Variants in SDK1 observed in about 807,000 individuals in gnomAD.
The protein encoded by SDK1 is sidekick cell adhesion molecule 1.
SDK1 carries 157 observed loss-of-function variants against 245.5 expected under a neutral mutation model. The observed-to-expected ratio is 0.64, with a 90% CI of 0.56 to 0.73. The LOEUF (loss-of-function observed/expected upper bound fraction) is 0.73. Ranked by LOEUF, SDK1 falls within the 30% of genes least tolerant of loss-of-function variation. SDK1 has a pLI of 0.00. For missense variants in SDK1, 3,583 were observed against 3,002.3 expected (o/e 1.19, Z -4.52); for synonymous variants, 1,647 against 1,278.5 (o/e 1.29, Z -6.15).
At chr7:3,570,034 C>G (rs1042240279) in intron 1 of SDK1, among the ~76,000 whole-genome samples, 2 of 152,202 alleles carry the variant, frequency 1.3e-5, no homozygotes, top group African/African-American at 4.8e-5. Flanking sequence ...ATCACACACA[C>G]CAGCTCCATC....
intron 4 of SDK1, among the ~76,000 whole-genome samples, chr7:3,672,780 TATATATATATATATAA>T (rs1048764566): frequency 1.4e-4 from 14 of 101,426 alleles, no homozygotes; most frequent in Non-Finnish European, 2.0e-4. Context: ...TATATATATA[TATATATATATATATAA>T]AAAATACAGA....
chr7:4,168,434 C>T (rs541082736), intron 32 of SDK1, among the ~76,000 whole-genome samples: 3 of 152,332 alleles, frequency 2.0e-5, no homozygotes, highest in East Asian at 1.9e-4. Context: ...TCTGTGAGTC[C>T]AGGATCAGTA....
chr7:4,105,730 G>T (rs1004175242), intron 22 of SDK1, among the ~76,000 whole-genome samples: 1 of 152,236 alleles, frequency 6.6e-6, no homozygotes, highest in African/African-American at 2.4e-5. Flanking sequence ...GCAGTGAGAG[G>T]CTAAGAGGGA....
intron 1 of SDK1, among the ~76,000 whole-genome samples, chr7:3,357,517 A>ATT (rs570887224): frequency 7.0e-6 from 1 of 143,508 alleles, no homozygotes; most frequent in African/African-American, 2.5e-5. Flanking sequence ...ACCTGGCTTA[A>ATT]TTTTTTTTTT....
chr7:3,533,872 A>G (rs1365976389), intron 1 of SDK1, among the ~76,000 whole-genome samples: 1 of 149,774 alleles, frequency 6.7e-6, no homozygotes, highest in Non-Finnish European at 1.5e-5. Context: ...TGCCTGTTTC[A>G]TCTTCCATTT....
At position 4,118,650 on chromosome 7, in the gene SDK1, A is replaced by G. The variant is rs188137773; in HGVS notation, c.3823+4376A>G. Among the ~76,000 whole-genome samples, 7 of 124,110 alleles carry G rather than the reference A, an allele frequency of 5.6e-5. No homozygotes were observed. In the East Asian group the frequency reaches 1.4e-3, roughly 24 times the overall value. The allele number at this position is 124,110 out of a possible 152,430, so 81.4% of individuals were successfully genotyped here. On this transcript the variant is annotated intron_variant, in intron 25 of 44. Coordinates refer to ENST00000404826, the MANE Select transcript of SDK1 (RefSeq NM_152744.4). The stretch of plus-strand genomic sequence containing the variant: ...ATAAATGTTCATAGCAGCTTTATCC[A>G]TAGTAGCCGAAAAGTGGAAACAACC...
At chr7:4,233,447 C>T (rs1237331115) in intron 41 of SDK1, 28 bp downstream of exon 41, 1 of 1,601,796 alleles carries the variant, frequency 6.2e-7, no homozygotes, top group Non-Finnish European at 8.5e-7. Context: ...GGTCTGTCTT[C>T]TTCTGGAGGA....
chr7:4,110,159 G>A (rs550067958), intron 22 of SDK1, among the ~76,000 whole-genome samples: 18 of 152,274 alleles, frequency 1.2e-4, no homozygotes, highest in Non-Finnish European at 2.1e-4. Flanking sequence ...TCCTTATGCC[G>A]TGGGCCAGCA....
At chr7:3,655,009 A>G (rs906641670) in intron 4 of SDK1, among the ~76,000 whole-genome samples, 9 of 150,776 alleles carry the variant, frequency 6.0e-5, no homozygotes, top group Non-Finnish European at 1.2e-4. Flanking sequence ...TAAATTCTGA[A>G]GTTGCCAGGC....
At chr7:3,422,068 C>T (rs1779550056) in intron 1 of SDK1, among the ~76,000 whole-genome samples, 1 of 152,024 alleles carries the variant, frequency 6.6e-6, no homozygotes, top group Non-Finnish European at 1.5e-5. Flanking sequence ...GATATGAGGC[C>T]TTAATAACAA....
chr7:3,367,099 G>A (rs1439416905), intron 1 of SDK1, among the ~76,000 whole-genome samples: 1 of 152,052 alleles, frequency 6.6e-6, no homozygotes, highest in Non-Finnish European at 1.5e-5. Context: ...AGTTGTGAAA[G>A]TTACTTCCCA....
intron 1 of SDK1, among the ~76,000 whole-genome samples, chr7:3,362,843 C>G (rs896994319): frequency 3.9e-5 from 6 of 152,142 alleles, no homozygotes; most frequent in African/African-American, 1.2e-4. Context: ...CTGAGAAAAC[C>G]TTGGATAATT....
chr7:3,341,833 G>A (rs947354123), intron 1 of SDK1, among the ~76,000 whole-genome samples: 6 of 152,180 alleles, frequency 3.9e-5, no homozygotes, highest in Admixed American at 6.5e-5. Flanking sequence ...TATTCAACAC[G>A]GTAAATGTGT....
chr7:3,743,950 C>G (rs979833593), intron 4 of SDK1, among the ~76,000 whole-genome samples: 1 of 152,074 alleles, frequency 6.6e-6, no homozygotes, highest in African/African-American at 2.4e-5. Context: ...TTTCCTGTGG[C>G]GTTATTATCC....
intron 8 of SDK1, among the ~76,000 whole-genome samples, chr7:3,960,220 A>C (rs370188219): frequency 2.8e-4 from 43 of 152,324 alleles, no homozygotes; most frequent in Non-Finnish European, 1.3e-4. Flanking sequence ...GGGCCACTCA[A>C]TGAAATGGGA....
At chr7:3,436,993 C>T (rs1780047850) in intron 1 of SDK1, among the ~76,000 whole-genome samples, 1 of 151,956 alleles carries the variant, frequency 6.6e-6, no homozygotes, top group African/African-American at 2.4e-5. Flanking sequence ...AAAAAATTTC[C>T]TGGGTTATAT....
chr7:3,731,192 C>G (rs1779166895), intron 4 of SDK1, among the ~76,000 whole-genome samples: 1 of 152,154 alleles, frequency 6.6e-6, no homozygotes, highest in African/African-American at 2.4e-5. Context: ...AGGATGGCCT[C>G]CAATAGATCC....
intron 4 of SDK1, among the ~76,000 whole-genome samples, chr7:3,744,319 A>G (rs1197561231): frequency 3.9e-5 from 6 of 151,984 alleles, no homozygotes; most frequent in East Asian, 1.9e-4. Flanking sequence ...CTTTCTTTCC[A>G]TATATACATT....
intron 1 of SDK1, among the ~76,000 whole-genome samples, chr7:3,314,230 G>C (rs1396840276): frequency 6.6e-6 from 1 of 152,176 alleles, no homozygotes; most frequent in African/African-American, 2.4e-5. Flanking sequence ...CAAAGATGAA[G>C]GATTCAGGTG....
Sources: allele counts gnomAD v4.1 joint callset (sites outside exome capture counted in the v4.1 genomes callset), GRCh38; gene constraint gnomAD v4.1.1; transcripts MANE v1.5; gene names NCBI Gene and HGNC (gene_info 2026-07-23, HGNC 2026-07-21).